The following ALK variants were observed in gnomAD, a reference collection of about 807,000 sequenced individuals.
The protein encoded by ALK is ALK tyrosine kinase receptor.
Under a neutral mutation model 163.1 loss-of-function variants are expected in ALK, and 74 were observed. That is an observed-to-expected ratio of 0.45 (90% CI 0.38 to 0.55). ALK has a LOEUF of 0.55. Ranked by LOEUF, ALK falls within the 20% of genes least tolerant of loss-of-function variation. The probability of loss-of-function intolerance (pLI) is 0.00; values close to 1 mark genes in which losing one functional copy is unlikely to be tolerated. For missense variants in ALK, 2,063 were observed against 2,105.3 expected, an observed-to-expected ratio of 0.98 and a Z score of 0.39; for synonymous variants, 960 against 843.2, an observed-to-expected ratio of 1.14 and a Z score of -2.40.
At chr2:29,212,602 T>A (rs1408176809) in intron 24 of ALK, among the ~76,000 whole-genome samples, 1 of 152,228 alleles carries the variant, frequency 6.6e-6, no homozygotes, top group Non-Finnish European at 1.5e-5. Context: ...TAGGAGTGAC[T>A]TTGGAACTTA....
At position 29,226,913 on chromosome 2, in the gene ALK, C is replaced by T. The variant is rs1664016363; in HGVS notation, c.3067+9G>A. The T allele has an allele frequency of 6.2e-7, 1 of 1,614,066 alleles. No individual in the cohort carries two copies. Among genetic ancestry groups the T allele is most frequent in the Non-Finnish European group, 8.5e-7 (1 of 1,180,036 alleles). On this transcript the variant is annotated intron_variant, in intron 18 of 28. Coordinates refer to ENST00000389048, the MANE Select transcript of ALK (RefSeq NM_004304.5). ...GGCCCCTCTGCCTCCCCTGGCCCTG[C>T]CCCCTTACCAATGCAGGAGACGCCA...
At chr2:29,829,832 T>C (rs1050465874) in intron 1 of ALK, among the ~76,000 whole-genome samples, 5 of 152,210 alleles carry the variant, frequency 3.3e-5, no homozygotes, top group Non-Finnish European at 7.3e-5. Context: ...GGCCCTAACC[T>C]GTGAAGCTCT....
intron 3 of ALK, among the ~76,000 whole-genome samples, chr2:29,607,245 C>T (rs754264680): frequency 6.6e-5 from 10 of 152,144 alleles, no homozygotes; most frequent in East Asian, 3.9e-4. Flanking sequence ...TCCTCCTTGA[C>T]GGGCGTGGTA....
intron 3 of ALK, among the ~76,000 whole-genome samples, chr2:29,663,808 T>C (rs1677425397): frequency 1.3e-5 from 2 of 152,206 alleles, no homozygotes. Flanking sequence ...ATAGGTCTAG[T>C]CTGTAACCTA....
At chr2:29,531,740 C>T (rs1309097190) in intron 4 of ALK, among the ~76,000 whole-genome samples, 175 bp downstream of exon 4, 1 of 152,110 alleles carries the variant, frequency 6.6e-6, no homozygotes, top group African/African-American at 2.4e-5. Flanking sequence ...GAGGGACCCA[C>T]AAATCAGTAC....
intron 2 of ALK, among the ~76,000 whole-genome samples, chr2:29,702,754 A>C (rs1234488317): frequency 6.6e-6 from 1 of 152,232 alleles, no homozygotes; most frequent in Admixed American, 6.5e-5. Flanking sequence ...AGCAGGCAAG[A>C]GTGTGTGTGC....
intron 1 of ALK, among the ~76,000 whole-genome samples, chr2:29,816,808 T>C (rs1664910352): frequency 6.6e-6 from 1 of 152,166 alleles, no homozygotes; most frequent in African/African-American, 2.4e-5. Context: ...CCTCCCAGCC[T>C]GACGGGATGT....
At chr2:29,682,562 T>C (rs1678108238) in intron 3 of ALK, among the ~76,000 whole-genome samples, 1 of 152,166 alleles carries the variant, frequency 6.6e-6, no homozygotes, top group South Asian at 2.1e-4. Context: ...GTTGTCTTAA[T>C]AAATGAAGAA....
rs1211883521 is a variant in ALK at position 29,680,393 on chromosome 2, A to C, written c.952+14457T>G. ...TAAAACATTTTTCTCTCTGTTCTTT[A>C]GGGTGAAAAATTTATACTGGCTTGT... is the stretch of plus-strand genomic sequence containing the variant. On this transcript the variant is annotated intron_variant, in intron 3 of 28. Transcript: ENST00000389048. Among the ~76,000 whole-genome samples the C allele has an allele frequency of 2.0e-5, 3 of 152,046 alleles. No individual in the cohort carries two copies. In the East Asian group the frequency reaches 5.8e-4, roughly 29 times the overall value.
At chr2:29,736,849 G>A (rs1049371055) in intron 1 of ALK, among the ~76,000 whole-genome samples, 1 of 152,034 alleles carries the variant, frequency 6.6e-6, no homozygotes, top group South Asian at 2.1e-4. Context: ...TTTAATACTT[G>A]TCAAAATTTA....
At chr2:29,771,105 A>T (rs1573621935) in intron 1 of ALK, among the ~76,000 whole-genome samples, 1 of 152,288 alleles carries the variant, frequency 6.6e-6, no homozygotes. Flanking sequence ...ATACACACGT[A>T]CACATACATG....
rs1245961943 is a variant in ALK at position 29,585,760 on chromosome 2, C to T, written c.953-53644G>A. ...TATTTACCATTTTCTCATTTGGGGG[C>T]TTTTAGCATCTTCTCAGGGTTTTGC... On this transcript the variant is annotated intron_variant, in intron 3 of 28. Coordinates refer to ENST00000389048, the MANE Select transcript of ALK (RefSeq NM_004304.5). 2.0e-5 allele frequency among the ~76,000 whole-genome samples: 3 copies of T among 151,842 alleles called. No homozygotes were observed. The East Asian group carries it at 5.8e-4, about 29-fold the overall frequency.
intron 25 of ALK, among the ~76,000 whole-genome samples, chr2:29,207,694 T>C (rs1157543420): frequency 6.6e-6 from 1 of 152,260 alleles, no homozygotes; most frequent in Non-Finnish European, 1.5e-5. Flanking sequence ...TCATTTTGGA[T>C]CCTCTGACAC....
chr2:29,440,800 A>G (rs1246686518), intron 4 of ALK, among the ~76,000 whole-genome samples: 2 of 152,240 alleles, frequency 1.3e-5, no homozygotes, highest in Non-Finnish European at 2.9e-5. Flanking sequence ...CCAGAACACA[A>G]GCGCAAAGGT....
intron 3 of ALK, among the ~76,000 whole-genome samples, chr2:29,642,525 A>G (rs1260360473): frequency 6.6e-6 from 1 of 152,324 alleles, no homozygotes; most frequent in Admixed American, 6.5e-5. Context: ...TTTCTTTAAA[A>G]TATATAAATA....
At chr2:29,757,028 C>G (rs1363503427) in intron 1 of ALK, among the ~76,000 whole-genome samples, 1 of 152,148 alleles carries the variant, frequency 6.6e-6, no homozygotes, top group African/African-American at 2.4e-5. Flanking sequence ...AGAGAGAGAG[C>G]AGGAAAGGCC....
intron 1 of ALK, among the ~76,000 whole-genome samples, chr2:29,792,738 T>C (rs1664217630): frequency 6.6e-6 from 1 of 152,188 alleles, no homozygotes; most frequent in Admixed American, 6.5e-5. Flanking sequence ...TTTTGGTGCA[T>C]ATAAAAGTTA....
intron 3 of ALK, among the ~76,000 whole-genome samples, chr2:29,623,834 G>T (rs1397980709): frequency 6.6e-6 from 1 of 152,132 alleles, no homozygotes. Context: ...AACAATATTT[G>T]AAATAAAAAT....
intron 1 of ALK, among the ~76,000 whole-genome samples, chr2:29,749,193 G>C (rs1013171653): frequency 2.6e-5 from 4 of 152,110 alleles, no homozygotes; most frequent in Non-Finnish European, 5.9e-5. Context: ...CAGTCCCCAG[G>C]GTTTCTGATT....
Sources: allele counts gnomAD v4.1 joint callset (sites outside exome capture counted in the v4.1 genomes callset), GRCh38; gene constraint gnomAD v4.1.1; transcripts MANE v1.5; gene names NCBI Gene and HGNC (gene_info 2026-07-23, HGNC 2026-07-21).